The following DNER variants were observed in gnomAD, a reference collection of about 807,000 sequenced individuals.
DNER encodes delta/notch like EGF repeat containing.
DNER carries 33 observed loss-of-function variants against 78.2 expected under a neutral mutation model. The ratio of observed to expected loss-of-function variants is 0.42; its 90% CI spans 0.32 to 0.56. The LOEUF is 0.56. DNER is among the 20% of genes least tolerant of loss of function. DNER has a pLI of 0.11. For missense variants in DNER, 918 were observed against 975.3 expected, an observed-to-expected ratio of 0.94 and a Z score of 0.78; for synonymous variants, 417 against 384.8, an observed-to-expected ratio of 1.08 and a Z score of -0.98.
chr2:229,552,616 A>T lies in DNER; in HGVS notation c.848-5524T>A, dbSNP rs533730919. 2.6e-5 allele frequency among the ~76,000 whole-genome samples: 4 copies of T among 152,196 alleles called. No homozygotes were observed. In the South Asian group the frequency reaches 8.3e-4, roughly 32 times the overall value. The stretch of plus-strand genomic sequence containing the variant: ...CACTTCTACTTGCTGCCACCATGCG[A>T]AGAAGGACATGTTTGCTTCCCTTCC... On this transcript the variant is annotated intron_variant, in intron 4 of 12. Coordinates refer to ENST00000341772, the MANE Select transcript of DNER (RefSeq NM_139072.4).
At chr2:229,674,888 T>C (rs1235210926) in intron 1 of DNER, among the ~76,000 whole-genome samples, 1 of 152,234 alleles carries the variant, frequency 6.6e-6, no homozygotes, top group Non-Finnish European at 1.5e-5. Flanking sequence ...TGGTGACTTC[T>C]GTCTTCACTC....
At chr2:229,706,557 C>T (rs1699830946) in intron 1 of DNER, among the ~76,000 whole-genome samples, 1 of 152,094 alleles carries the variant, frequency 6.6e-6, no homozygotes, top group Non-Finnish European at 1.5e-5. Flanking sequence ...AGCAAGACTC[C>T]ATCTCAACAA....
intron 1 of DNER, among the ~76,000 whole-genome samples, chr2:229,604,581 G>GC (rs1224717703): frequency 5.3e-5 from 8 of 152,226 alleles, no homozygotes; most frequent in African/African-American, 1.9e-4. Context: ...GGGTTGATCC[G>GC]CCAAGTGCCA....
chr2:229,506,539 C>G (rs1695750013), intron 6 of DNER, among the ~76,000 whole-genome samples: 1 of 137,816 alleles, frequency 7.3e-6, no homozygotes, highest in Non-Finnish European at 1.6e-5. Flanking sequence ...TTTTATTATA[C>G]TTTAAGTTCT....
At chr2:229,469,860 T>C (rs1169821094) in intron 7 of DNER, among the ~76,000 whole-genome samples, 1 of 152,126 alleles carries the variant, frequency 6.6e-6, no homozygotes, top group Non-Finnish European at 1.5e-5. Context: ...GGAGAGTCGC[T>C]TGAACCCCGG....
chr2:229,401,596 A>G (rs1260014773), intron 10 of DNER, among the ~76,000 whole-genome samples: 3 of 152,138 alleles, frequency 2.0e-5, no homozygotes, highest in Non-Finnish European at 4.4e-5. Context: ...ACACTATATG[A>G]TTCCATTTAT....
intron 1 of DNER, among the ~76,000 whole-genome samples, chr2:229,592,792 A>G (rs1697632682): frequency 1.3e-5 from 2 of 152,218 alleles, no homozygotes; most frequent in African/African-American, 4.8e-5. Flanking sequence ...TGATAAGGAG[A>G]AAATTAGATC....
intron 6 of DNER, among the ~76,000 whole-genome samples, chr2:229,499,442 C>A (rs1695567035): frequency 2.0e-5 from 2 of 101,050 alleles, no homozygotes; most frequent in Admixed American, 1.0e-4. Flanking sequence ...AAGACTCCAA[C>A]TCAAAAAAAA....
At chr2:229,545,829 C>T (rs1362579318) in intron 5 of DNER, among the ~76,000 whole-genome samples, 5 of 152,168 alleles carry the variant, frequency 3.3e-5, no homozygotes, top group Non-Finnish European at 5.9e-5. Flanking sequence ...TCATCTCATC[C>T]ATGCCTCTTC....
intron 7 of DNER, among the ~76,000 whole-genome samples, chr2:229,469,853 G>T (rs529762576): frequency 6.6e-6 from 1 of 152,300 alleles, no homozygotes; most frequent in African/African-American, 2.4e-5. Flanking sequence ...TGAGGCAGGA[G>T]AGTCGCTTGA....
chr2:229,413,321 C>CTTT (rs398061160), intron 9 of DNER, among the ~76,000 whole-genome samples: 2,882 of 67,628 alleles, frequency 0.043, 318 homozygotes, highest in African/African-American at 0.13. Flanking sequence ...TTTTCTTCTT[C>CTTT]TTTTTTTTTT....
At chr2:229,464,562 G>A (rs1220081210) in intron 7 of DNER, among the ~76,000 whole-genome samples, 4 of 152,138 alleles carry the variant, frequency 2.6e-5, no homozygotes, top group Non-Finnish European at 5.9e-5. Context: ...TAAAGGTTTG[G>A]TCAGAAGGTC....
intron 5 of DNER, among the ~76,000 whole-genome samples, chr2:229,543,218 T>C (rs1696552667): frequency 6.6e-6 from 1 of 152,192 alleles, no homozygotes; most frequent in African/African-American, 2.4e-5. Context: ...GCGCTGCCTC[T>C]GAAAGGATCT....
chr2:229,581,884 A>T (rs73998284), intron 4 of DNER, among the ~76,000 whole-genome samples: 5 of 135,506 alleles, frequency 3.7e-5, no homozygotes, highest in African/African-American at 1.7e-4. Flanking sequence ...GTTTATTTTT[A>T]TTTATTTATT....
chr2:229,517,270 C>T (rs1695998596), intron 5 of DNER, among the ~76,000 whole-genome samples: 1 of 152,128 alleles, frequency 6.6e-6, no homozygotes, highest in African/African-American at 2.4e-5. Flanking sequence ...CAGAAGTGAA[C>T]AAGACCCTCT....
chr2:229,430,879 C>T (rs924797188), intron 8 of DNER, among the ~76,000 whole-genome samples: 4 of 151,654 alleles, frequency 2.6e-5, no homozygotes, highest in African/African-American at 7.3e-5. Flanking sequence ...TTAGAAAAAC[C>T]CTAACTTTTT....
chr2:229,668,528 GTGTGTGTGTATATATATATATA>G (rs1242534558), intron 1 of DNER, among the ~76,000 whole-genome samples: 935 of 49,582 alleles, frequency 0.019, 29 homozygotes, highest in African/African-American at 0.046. Context: ...GTGTGTGTGT[GTGTGTGTGTATATATATATATA>G]TATATATATA....
At chr2:229,433,406 C>G (rs1305319959) in intron 8 of DNER, among the ~76,000 whole-genome samples, 1 of 152,186 alleles carries the variant, frequency 6.6e-6, no homozygotes, top group Non-Finnish European at 1.5e-5. Context: ...GGAAGCTACC[C>G]TCCTCTCGAG....
At chr2:229,380,750 C>T (rs1692716699) in intron 11 of DNER, among the ~76,000 whole-genome samples, 4 of 151,902 alleles carry the variant, frequency 2.6e-5, no homozygotes, top group Admixed American at 2.6e-4. Flanking sequence ...CATAGTGAAA[C>T]CCCTTCTCTA....
Sources: allele counts gnomAD v4.1 joint callset (sites outside exome capture counted in the v4.1 genomes callset), GRCh38; gene constraint gnomAD v4.1.1; transcripts MANE v1.5; gene names NCBI Gene and HGNC (gene_info 2026-07-23, HGNC 2026-07-21).